Variants in FARS2 observed in about 807,000 individuals in gnomAD.
FARS2 encodes the protein phenylalanyl-tRNA synthetase 2, mitochondrial, also known as phenylalanine--tRNA ligase, mitochondrial.
Under a neutral mutation model 46.4 loss-of-function variants are expected in FARS2, and 40 were observed. The ratio of observed to expected loss-of-function variants is 0.86; its 90% CI spans 0.67 to 1.12. The LOEUF is 1.12. Ranked by LOEUF, FARS2 falls within the 50% of genes most tolerant of loss-of-function variation. The pLI, the probability that FARS2 is intolerant of heterozygous loss-of-function variation, is 0.00. For missense variants in FARS2, 513 were observed against 567.9 expected (o/e 0.90, Z 0.98); for synonymous variants, 234 against 214.9 (o/e 1.09, Z -0.78).
chr6:5,706,896 T>A (rs1389902142), intron 6 of FARS2, among the ~76,000 whole-genome samples: 1 of 152,262 alleles, frequency 6.6e-6, no homozygotes, highest in Non-Finnish European at 1.5e-5. Context: ...CATCCGTTGA[T>A]GGGGCTCCTG....
At chr6:5,541,854 C>T (rs1770657383) in intron 4 of FARS2, among the ~76,000 whole-genome samples, 1 of 152,122 alleles carries the variant, frequency 6.6e-6, no homozygotes, top group South Asian at 2.1e-4. Flanking sequence ...ATATGCTAAA[C>T]AAGAGGTGGA....
At chr6:5,669,620 G>A (rs1778346354) in intron 6 of FARS2, among the ~76,000 whole-genome samples, 1 of 152,168 alleles carries the variant, frequency 6.6e-6, no homozygotes, top group South Asian at 2.1e-4. Flanking sequence ...TCATATTGCA[G>A]TGTATTAGGA....
At chr6:5,411,366 C>T (rs1022435265) in intron 3 of FARS2, among the ~76,000 whole-genome samples, 1 of 152,188 alleles carries the variant, frequency 6.6e-6, no homozygotes, top group African/African-American at 2.4e-5. Flanking sequence ...TTTCCTTTAC[C>T]TTCTCTTCCC....
intron 4 of FARS2, among the ~76,000 whole-genome samples, chr6:5,448,580 G>A (rs970620887): frequency 1.3e-5 from 2 of 151,320 alleles, no homozygotes; most frequent in Admixed American, 6.6e-5. Flanking sequence ...GAACCATAAT[G>A]TATTTAATCA....
At chr6:5,273,681 A>G (rs1296047180) in intron 1 of FARS2, among the ~76,000 whole-genome samples, 1 of 152,090 alleles carries the variant, frequency 6.6e-6, no homozygotes, top group African/African-American at 2.4e-5. Flanking sequence ...GCTTGATGTA[A>G]TCTAATTTTT....
intron 6 of FARS2, among the ~76,000 whole-genome samples, chr6:5,718,006 C>T (rs1210185513): frequency 3.3e-5 from 5 of 151,328 alleles, no homozygotes; most frequent in Non-Finnish European, 7.4e-5. Flanking sequence ...CCTCCATCTC[C>T]CAGGTTCAAG....
intron 4 of FARS2, among the ~76,000 whole-genome samples, chr6:5,485,491 G>A (rs1159075469): frequency 1.4e-5 from 2 of 146,074 alleles, no homozygotes; most frequent in African/African-American, 5.0e-5. Flanking sequence ...ATTTAAAGTG[G>A]GGGGGACTGG....
intron 4 of FARS2, among the ~76,000 whole-genome samples, chr6:5,538,773 A>G (rs1770380914): frequency 6.6e-6 from 1 of 152,230 alleles, no homozygotes; most frequent in South Asian, 2.1e-4. Context: ...GGGAACCAAA[A>G]CAAAATGTTT....
At chr6:5,268,564 T>G (rs972436982) in intron 1 of FARS2, among the ~76,000 whole-genome samples, 3 of 152,122 alleles carry the variant, frequency 2.0e-5, no homozygotes, top group Admixed American at 6.5e-5. Context: ...TTGATCTATA[T>G]CTCTGTTTTG....
At position 5,765,555 on chromosome 6, in the gene FARS2, G is replaced by A. The variant is rs936438008; in HGVS notation, c.1218-5736G>A. On this transcript the variant is annotated intron_variant, in intron 6 of 6. Transcript: ENST00000274680. This position sits in a 1 kb window ranked among gnomAD's most constrained non-coding sequence, Gnocchi z 4.0. ...CTGAAGCCCTCTGGTGGGCCCTGTA[G>A]TGCCGCACTGTACTAGACAAACAGC... Among the ~76,000 whole-genome samples the A allele has an allele frequency of 2.6e-5, 4 of 152,148 alleles. No homozygotes were observed. The highest frequency in any genetic ancestry group is 4.4e-5 in the Non-Finnish European group (3 of 68,032).
chr6:5,521,985 A>G (rs1769169592), intron 4 of FARS2, among the ~76,000 whole-genome samples: 1 of 152,220 alleles, frequency 6.6e-6, no homozygotes, highest in South Asian at 2.1e-4. Context: ...GGTCCCATTC[A>G]GAGGTTATGT....
At chr6:5,770,360 T>TC (rs1561846664) in intron 6 of FARS2, among the ~76,000 whole-genome samples, 1 of 152,144 alleles carries the variant, frequency 6.6e-6, no homozygotes, top group Non-Finnish European at 1.5e-5. Flanking sequence ...TTCAGTTTCC[T>TC]CCCCCAAGGC....
At chr6:5,597,982 A>G (rs2150624352) in intron 5 of FARS2, among the ~76,000 whole-genome samples, 1 of 152,230 alleles carries the variant, frequency 6.6e-6, no homozygotes, top group East Asian at 1.9e-4. Flanking sequence ...CCGCCACCGG[A>G]CCTGTGATCA....
At chr6:5,547,275 T>C (rs182270738) in intron 5 of FARS2, among the ~76,000 whole-genome samples, 23 of 152,282 alleles carry the variant, frequency 1.5e-4, no homozygotes, top group African/African-American at 5.3e-4. Flanking sequence ...TTTAAAGTAC[T>C]TGTCTGTTAA....
chr6:5,594,958 G>T, intron 5 of FARS2, among the ~76,000 whole-genome samples: 1 of 152,154 alleles, frequency 6.6e-6, no homozygotes, highest in East Asian at 1.9e-4. Context: ...TCCTCTGTCC[G>T]GCCGGCAGCC....
intron 2 of FARS2, among the ~76,000 whole-genome samples, chr6:5,397,287 G>A (rs754745676): frequency 5.3e-5 from 8 of 152,136 alleles, no homozygotes; most frequent in Non-Finnish European, 8.8e-5. Flanking sequence ...ATGATCAGGG[G>A]CCAGTGCGGA....
chr6:5,293,493 G>A (rs544943980), intron 1 of FARS2, among the ~76,000 whole-genome samples: 3 of 152,224 alleles, frequency 2.0e-5, no homozygotes, highest in Admixed American at 1.3e-4. Flanking sequence ...ATAAAAGATG[G>A]CATTTAAAAC....
intron 6 of FARS2, among the ~76,000 whole-genome samples, chr6:5,655,558 C>T (rs952912623): frequency 6.6e-6 from 1 of 152,196 alleles, no homozygotes; most frequent in African/African-American, 2.4e-5. Context: ...CCGTTTCCTG[C>T]ATCTAGCGGT....
intron 6 of FARS2, among the ~76,000 whole-genome samples, chr6:5,739,331 T>TAA (rs58579538): frequency 0.42 from 61,369 of 145,724 alleles, 12,987 homozygotes; most frequent in African/African-American, 0.51. Context: ...CCCCCGTCTC[T>TAA]AAAAAAAAAA....
Sources: allele counts gnomAD v4.1 joint callset (sites outside exome capture counted in the v4.1 genomes callset), GRCh38; gene constraint gnomAD v4.1.1; non-coding constraint Gnocchi (gnomAD v3.1); transcripts MANE v1.5; gene names NCBI Gene and HGNC (gene_info 2026-07-23, HGNC 2026-07-21).